THOC5: variants seen among roughly 807,000 people sequenced by gnomAD.
The protein encoded by THOC5 is Fms-interacting protein.
Under a neutral mutation model 92.9 loss-of-function variants are expected in THOC5, and 43 were observed. The ratio of observed to expected loss-of-function variants is 0.46; its 90% confidence interval spans 0.36 to 0.60. The LOEUF (loss-of-function observed/expected upper bound fraction) is 0.60, where lower values mean the gene tolerates loss of function less well. Among genes scored for constraint, THOC5 ranks in the 20% least tolerant of loss-of-function variants. THOC5 has a pLI of 0.00. For missense variants in THOC5, 659 were observed against 849.4 expected (o/e 0.78, Z 2.79); for synonymous variants, 296 against 320.1 (o/e 0.92, Z 0.80).
At chr22:29,520,784 C>T (rs1471225753) in intron 13 of THOC5, among the ~76,000 whole-genome samples, 1 of 152,262 alleles carries the variant, frequency 6.6e-6, no homozygotes, top group Non-Finnish European at 1.5e-5. Flanking sequence ...GCGTGAGCCA[C>T]CACACCCAGC....
At chr22:29,511,950 G>T in intron 18 of THOC5, 71 bp downstream of exon 18, 2 of 1,299,346 alleles carry the variant, frequency 1.5e-6, no homozygotes, top group South Asian at 1.2e-5. Context: ...CTCAGCTGCA[G>T]TGGGTTCTGC....
chr22:29,539,322 A>T lies in THOC5; in HGVS notation c.599+8T>A. 6.2e-7 allele frequency: 1 copy of T among 1,612,826 alleles called. No homozygotes were observed. Among genetic ancestry groups the T allele is most frequent in the Non-Finnish European group, 8.5e-7 (1 of 1,179,290 alleles). On this transcript the variant is annotated splice_region_variant and intron_variant, in intron 6 of 19. Coordinates refer to ENST00000490103, the MANE Select transcript of THOC5 (RefSeq NM_003678.5). The stretch of plus-strand genomic sequence containing the variant: ...GTGGTTAAAAGGTCAGGAAGGAGGA[A>T]ATGCTACCTTTTCCGCTGCTCCAGC...
Position 29,544,628 on chromosome 22 carries a change from T to C in THOC5, c.97-25A>G, listed in dbSNP as rs537235757. The C allele has an allele frequency of 1.3e-5, 20 of 1,571,156 alleles. No homozygotes were observed. In the East Asian group the frequency reaches 4.2e-4, roughly 33 times the overall value. ...CCTGTAGAGGTAAGGATAAAGGCTC[T>C]GTGTGCATGGGGTAAAAGTCTCCCT... On this transcript the variant is annotated intron_variant, in intron 2 of 19. Coordinates refer to ENST00000490103, the MANE Select transcript of THOC5 (RefSeq NM_003678.5).
Position 29,536,723 on chromosome 22 carries a change from G to C in THOC5, c.615C>G (p.Tyr205Ter). 1 of 1,606,860 alleles carries C rather than the reference G, an allele frequency of 6.2e-7. No homozygotes were observed. Among genetic ancestry groups the C allele is most frequent in the Non-Finnish European group, 8.5e-7 (1 of 1,173,356 alleles). Residue 205 changes from tyrosine to a stop codon, truncating the protein, a stop_gained, in exon 7 of 20, where the codon TAC becomes TAG. Transcript: ENST00000490103. LOFTEE classifies it high-confidence loss of function. ...LEQRKRLAEK[Y>*]RECLSNKEKI... is the part of the protein sequence containing the mutation. ...TCTCCTTGTTAGATAGGCACTCTCG[G>C]TACTTCTCTGCCAGCCTGTTGGGGG...
intron 2 of THOC5, 149 bp downstream of exon 2, chr22:29,548,903 G>A (rs2064083507): frequency 1.5e-6 from 1 of 656,458 alleles, no homozygotes; most frequent in South Asian, 1.9e-5. Context: ...CTTTAGTGAA[G>A]AAACAGGAAT....
chr22:29,526,929 C>T (rs1339784226), intron 11 of THOC5, among the ~76,000 whole-genome samples: 1 of 151,930 alleles, frequency 6.6e-6, no homozygotes, highest in Non-Finnish European at 1.5e-5. Flanking sequence ...GATCTTGGGA[C>T]AGAAAAAGGA....
intron 8 of THOC5, among the ~76,000 whole-genome samples, chr22:29,529,630 C>T (rs925160061): frequency 6.6e-6 from 1 of 152,236 alleles, no homozygotes; most frequent in Admixed American, 6.5e-5. Flanking sequence ...GAAACAATGA[C>T]TCTCACCTAA....
chr22:29,542,985 C>G (rs769354366), intron 4 of THOC5, 29 bp from the exon 5 acceptor site: 1 of 1,535,790 alleles, frequency 6.5e-7, no homozygotes, highest in Non-Finnish European at 9.0e-7. Context: ...CAGAAGTGAG[C>G]AGGGCAAGTC....
chr22:29,521,026 C>A lies in THOC5; in HGVS notation c.1249G>T (p.Ala417Ser), dbSNP rs891992262. The change falls in exon 13 of 20, where the codon GCC becomes TCC. Residue 417 changes from alanine to serine, a missense_variant. Coordinates refer to ENST00000490103, the MANE Select transcript of THOC5 (RefSeq NM_003678.5). The stretch of plus-strand genomic sequence containing the variant: ...ACTTTATCAAACTGATACTGATTGG[C>A]TGGATTCGGAGTTTTCTTTCCATGA... The part of the protein sequence containing the change: ...GDHGKKTPNP[A>S]NQYQFDKVGI... 1.9e-6 allele frequency: 3 copies of A among 1,614,036 alleles called. No individual in the cohort carries two copies. In the African/African-American group the frequency reaches 4.0e-5, roughly 22 times the overall value.
chr22:29,525,738 C>T, intron 12 of THOC5, 100 bp downstream of exon 12: 1 of 879,190 alleles, frequency 1.1e-6, no homozygotes, highest in Non-Finnish European at 1.8e-6. Context: ...CAGCCGTAGC[C>T]CTCTCCAGAG....
At chr22:29,523,337 C>T (rs926425273) in intron 12 of THOC5, among the ~76,000 whole-genome samples, 1 of 152,006 alleles carries the variant, frequency 6.6e-6, no homozygotes, top group African/African-American at 2.4e-5. Flanking sequence ...TGGATCTAGG[C>T]AACAGTTGTC....
chr22:29,536,546 C>G (rs1289539306), intron 7 of THOC5, 78 bp downstream of exon 7: 15 of 866,236 alleles, frequency 1.7e-5, no homozygotes, highest in Non-Finnish European at 3.0e-5. Flanking sequence ...ATAGACCTGG[C>G]AAAGCCCAAA....
At chr22:29,524,813 G>C (rs555850478) in intron 12 of THOC5, among the ~76,000 whole-genome samples, 24 of 152,186 alleles carry the variant, frequency 1.6e-4, no homozygotes, top group Admixed American at 1.4e-3. Flanking sequence ...GGCAGGGGTG[G>C]AAAGAGCCCT....
chr22:29,538,551 A>G (rs574154884), intron 6 of THOC5, among the ~76,000 whole-genome samples: 114 of 152,116 alleles, frequency 7.5e-4, no homozygotes, highest in Non-Finnish European at 1.4e-3. Context: ...TAATCCCAGC[A>G]CTTTGGGAGG....
At chr22:29,525,331 G>A (rs931690457) in intron 12 of THOC5, among the ~76,000 whole-genome samples, 1 of 152,032 alleles carries the variant, frequency 6.6e-6, no homozygotes, top group African/African-American at 2.4e-5. Context: ...CTGGGGATGC[G>A]ATGATGGCTG....
At chr22:29,521,283 G>A (rs1222111839) in intron 12 of THOC5, among the ~76,000 whole-genome samples, 184 bp from the exon 13 acceptor site, 1 of 152,082 alleles carries the variant, frequency 6.6e-6, no homozygotes, top group Non-Finnish European at 1.5e-5. Flanking sequence ...ACCCTATGAG[G>A]GAGGATTATC....
intron 5 of THOC5, among the ~76,000 whole-genome samples, chr22:29,540,760 T>C (rs1184053502): frequency 6.6e-6 from 1 of 152,236 alleles, no homozygotes; most frequent in Admixed American, 6.5e-5. Context: ...CTTCACCCAA[T>C]GATACTATCT....
rs1335974716 is a variant in THOC5, at chr22:29,528,226, C to T, written c.967-49G>A. On this transcript the variant is annotated intron_variant, in intron 10 of 19. Coordinates refer to ENST00000490103, the MANE Select transcript of THOC5 (RefSeq NM_003678.5). ...TGATGAGCATCAGTCATAGCAATCT[C>T]CCCTTCCCTCTCCCAACCAGCCAGG... is the stretch of plus-strand genomic sequence containing the variant. 1.9e-6 allele frequency: 3 copies of T among 1,613,946 alleles called. No homozygotes were observed. The Admixed American group carries it at 5.0e-5, about 27-fold the overall frequency.
At chr22:29,544,897 A>G (rs542347040) in intron 2 of THOC5, among the ~76,000 whole-genome samples, 1 of 152,332 alleles carries the variant, frequency 6.6e-6, no homozygotes, top group African/African-American at 2.4e-5. Context: ...TCAGTCCGAA[A>G]CTGAGTGAAG....
Sources: allele counts gnomAD v4.1 joint callset (sites outside exome capture counted in the v4.1 genomes callset), GRCh38; gene constraint gnomAD v4.1.1; transcripts MANE v1.5; gene names NCBI Gene and HGNC (gene_info 2026-07-23, HGNC 2026-07-21).